PARD3B: variants seen among roughly 807,000 people sequenced by gnomAD.
The protein encoded by PARD3B is partitioning defective 3 homolog B.
Under a neutral mutation model 130.2 loss-of-function variants are expected in PARD3B, and 103 were observed. That is an observed-to-expected ratio of 0.79 (90% CI 0.67 to 0.93). The LOEUF (loss-of-function observed/expected upper bound fraction) is 0.93, where lower values mean the gene tolerates loss of function less well. Ranked by LOEUF, PARD3B falls within the 40% of genes least tolerant of loss-of-function variation. The probability of loss-of-function intolerance (pLI) is 0.00; values close to 1 mark genes in which losing one functional copy is unlikely to be tolerated. For synonymous variants in PARD3B, 583 were observed against 553.2 expected (o/e 1.05, Z -0.76); for missense variants, 1,609 against 1,499.2 (o/e 1.07, Z -1.21).
intron 2 of PARD3B, among the ~76,000 whole-genome samples, chr2:204,849,675 T>A (rs2044628932): frequency 6.6e-6 from 1 of 152,242 alleles, no homozygotes; most frequent in South Asian, 2.1e-4. Context: ...ACACGTTACT[T>A]AGCATTTATC....
chr2:205,475,173 G>A (rs979106497), intron 20 of PARD3B, among the ~76,000 whole-genome samples: 4 of 151,974 alleles, frequency 2.6e-5, no homozygotes, highest in African/African-American at 9.7e-5. Flanking sequence ...TCCCCTAATA[G>A]AATAGCGTCC....
chr2:204,794,382 G>T (rs79439528), intron 2 of PARD3B, among the ~76,000 whole-genome samples: 3 of 152,280 alleles, frequency 2.0e-5, no homozygotes, highest in African/African-American at 7.2e-5. Context: ...ATGCACTAGC[G>T]TATGGTGCTC....
intron 21 of PARD3B, among the ~76,000 whole-genome samples, chr2:205,549,150 C>G (rs985619575): frequency 2.0e-5 from 3 of 152,148 alleles, no homozygotes; most frequent in Non-Finnish European, 4.4e-5. Context: ...ACACGGGGAA[C>G]TCTCATTCAC....
At position 205,292,900 on chromosome 2, in the gene PARD3B, A is replaced by G. The variant is rs2041661032; in HGVS notation, c.2186-7630A>G. 6.6e-6 allele frequency among the ~76,000 whole-genome samples: 1 copy of G among 152,196 alleles called. No individual in the cohort carries two copies. The highest frequency in any genetic ancestry group is 1.5e-5 in the Non-Finnish European group (1 of 68,036). On this transcript the variant is annotated intron_variant, in intron 16 of 22. Transcript: ENST00000406610. The surrounding 1 kb of genome is among the most constrained non-coding windows in gnomAD (Gnocchi z 5.3). ...AGCCACAAAAAATACCCAGTAAATA[A>G]TTGTCAACAGCTGACTTGATTTTGG... is the stretch of plus-strand genomic sequence containing the variant.
At chr2:205,505,241 G>T in intron 21 of PARD3B, among the ~76,000 whole-genome samples, 1 of 152,012 alleles carries the variant, frequency 6.6e-6, no homozygotes, top group East Asian at 1.9e-4. Context: ...GGCCTGTTGT[G>T]GGGTGGGGGG....
chr2:204,666,916 T>C (rs746637792), intron 1 of PARD3B, among the ~76,000 whole-genome samples: 1 of 152,134 alleles, frequency 6.6e-6, no homozygotes, highest in African/African-American at 2.4e-5. Context: ...AGTAGAGTCA[T>C]GTATCTAGGA....
At chr2:205,504,369 C>A (rs1195447010) in intron 21 of PARD3B, among the ~76,000 whole-genome samples, 1 of 152,088 alleles carries the variant, frequency 6.6e-6, no homozygotes, top group Non-Finnish European at 1.5e-5. Context: ...AAAGCAATGG[C>A]AACAAAAGCC....
chr2:204,783,930 GT>G (rs375170500), intron 2 of PARD3B, among the ~76,000 whole-genome samples: 4 of 150,604 alleles, frequency 2.7e-5, no homozygotes, highest in Admixed American at 1.3e-4. Flanking sequence ...AGTTTCCAGC[GT>G]TTTTTTTTCT....
At chr2:204,971,620 GT>G (rs78837716) in intron 3 of PARD3B, among the ~76,000 whole-genome samples, 4,063 of 146,862 alleles carry the variant, frequency 0.028, 207 homozygotes, top group East Asian at 0.23. Context: ...CTGGGAGTCT[GT>G]TTTTTTTTTC....
chr2:205,034,655 T>C (rs1697671972), intron 3 of PARD3B, among the ~76,000 whole-genome samples: 1 of 152,164 alleles, frequency 6.6e-6, no homozygotes, highest in Non-Finnish European at 1.5e-5. Context: ...GGGGGATTGC[T>C]ATTTAAGAAA....
Position 205,616,085 on chromosome 2 carries a change from G to C in PARD3B, c.*272G>C. 1 of 433,610 alleles carries C rather than the reference G, an allele frequency of 2.3e-6. No homozygotes were observed. The highest frequency in any genetic ancestry group is 4.1e-6 in the Non-Finnish European group (1 of 245,142). The allele number at this position is 433,610 out of a possible 1,614,324, so 26.9% of individuals were successfully genotyped here. On this transcript the variant is annotated 3_prime_UTR_variant, in exon 23 of 23. Transcript: ENST00000406610. ...AACGCTTTCAGAGTTGTTCAAATCA[G>C]TGAGAGTGGCAACGGAACACACAAA...
At chr2:204,814,318 T>C (rs948357075) in intron 2 of PARD3B, among the ~76,000 whole-genome samples, 4 of 151,770 alleles carry the variant, frequency 2.6e-5, no homozygotes, top group Admixed American at 2.0e-4. Flanking sequence ...ATCCTGAAAC[T>C]TTACTAAATC....
At chr2:205,261,216 G>A (rs1412055988) in intron 16 of PARD3B, among the ~76,000 whole-genome samples, 1 of 152,090 alleles carries the variant, frequency 6.6e-6, no homozygotes, top group African/African-American at 2.4e-5. Flanking sequence ...ATTATTGGAA[G>A]CAGAAGTCTA....
chr2:205,513,202 C>T (rs1192771777), intron 21 of PARD3B, among the ~76,000 whole-genome samples: 1 of 151,972 alleles, frequency 6.6e-6, no homozygotes, highest in Non-Finnish European at 1.5e-5. Flanking sequence ...TAAAGTAGTA[C>T]TTGAATTGAT....
At chr2:205,438,866 C>A (rs2047611841) in intron 19 of PARD3B, among the ~76,000 whole-genome samples, 1 of 152,104 alleles carries the variant, frequency 6.6e-6, no homozygotes, top group Non-Finnish European at 1.5e-5. Context: ...TATATCCTGG[C>A]ATTTGTTTTC....
At chr2:205,169,538 G>A (rs1051634865) in intron 11 of PARD3B, among the ~76,000 whole-genome samples, 1 of 152,144 alleles carries the variant, frequency 6.6e-6, no homozygotes, top group Non-Finnish European at 1.5e-5. Flanking sequence ...CACAGAAAAG[G>A]TTCACAAGAG....
intron 2 of PARD3B, among the ~76,000 whole-genome samples, chr2:204,917,358 G>A (rs1276269193): frequency 2.6e-5 from 4 of 152,326 alleles, no homozygotes; most frequent in Non-Finnish European, 4.4e-5. Flanking sequence ...AACGTTAGAT[G>A]TAATTGAGGG....
intron 2 of PARD3B, among the ~76,000 whole-genome samples, chr2:204,918,572 G>C (rs2047539195): frequency 6.7e-6 from 1 of 149,622 alleles, no homozygotes; most frequent in African/African-American, 2.5e-5. Flanking sequence ...GGAGCTTGCA[G>C]TGAGCCGAGA....
chr2:205,422,834 G>A (rs1323187343), intron 19 of PARD3B, among the ~76,000 whole-genome samples: 5 of 152,252 alleles, frequency 3.3e-5, no homozygotes, highest in African/African-American at 9.6e-5. Context: ...CTGAGAATAG[G>A]CCCTGAAAAG....
Sources: gnomAD v4.1 joint callset for allele counts (sites outside exome capture counted in the v4.1 genomes callset) on GRCh38, gnomAD v4.1.1 for gene constraint, Gnocchi (gnomAD v3.1) non-coding constraint, MANE v1.5 for transcripts, NCBI Gene and HGNC (gene_info 2026-07-23, HGNC 2026-07-21) for gene names.